RPS15A: variants seen among roughly 807,000 people sequenced by gnomAD.
The protein encoded by RPS15A is ribosomal protein S15a, also known as small ribosomal subunit protein uS8.
For synonymous variants in RPS15A, 55 were observed against 58.5 expected, an observed-to-expected ratio of 0.94 and a Z score of 0.27; for missense variants, 62 against 163.4, an observed-to-expected ratio of 0.38 and a Z score of 3.38.
chr16:18,785,112 G>T, intron 3 of RPS15A: 1 of 293,162 alleles, frequency 3.4e-6, no homozygotes, highest in Non-Finnish European at 6.3e-6. Flanking sequence ...GAGCTGTCCA[G>T]GATGATCAGA....
At position 18,781,545 on chromosome 16, in the gene RPS15A, C is replaced by G. The variant is rs1159667173; in HGVS notation, c.*1464G>C. The G allele has an allele frequency of 1.3e-5, 2 of 151,794 alleles. No homozygotes were observed. The highest frequency in any genetic ancestry group is 2.9e-5 in the Non-Finnish European group (2 of 67,974). The allele number at this position is 151,794 out of a possible 1,614,324, so 9.4% of individuals were successfully genotyped here. ...GTGCCAAGTGCGCTTTACACAATCT[C>G]ATTTTTCCCTCAACTTGGGGATAGG... is the stretch of plus-strand genomic sequence containing the variant. On this transcript the variant is annotated 3_prime_UTR_variant, in exon 5 of 5. Transcript: ENST00000322989.
rs1903982772 is a variant in RPS15A, at chr16:18,782,627, C to CA, written c.*381dup. ...ATCCCAGTTACTCAGGCGGCTGAGA[C>CA]AGGACAATCACTTGAACCCGGGAGG... is the stretch of plus-strand genomic sequence containing the variant. On this transcript the variant is annotated 3_prime_UTR_variant, in exon 5 of 5. Coordinates refer to ENST00000322989, the MANE Select transcript of RPS15A (RefSeq NM_001019.5). The CA allele has an allele frequency of 1.3e-5, 2 of 157,922 alleles. No individual in the cohort carries two copies. The highest frequency in any genetic ancestry group is 3.4e-4 in the South Asian group (2 of 5,954). The allele number at this position is 157,922 out of a possible 1,614,324, so 9.8% of individuals were successfully genotyped here. A position where few individuals can be genotyped will look rare whatever the true frequency, so the allele number is the denominator to read the frequency against.
chr16:18,785,697 T>A (rs1346471413), intron 3 of RPS15A: 2 of 152,212 alleles, frequency 1.3e-5, no homozygotes, highest in African/African-American at 4.8e-5. Context: ...CTCCTACTAT[T>A]ACCCCATCAG....
At chr16:18,783,493 T>C (rs1903997119) in intron 4 of RPS15A, 1 of 365,038 alleles carries the variant, frequency 2.7e-6, no homozygotes, top group Admixed American at 3.6e-5. Flanking sequence ...AGCTAAACTA[T>C]TATATGGAGA....
chr16:18,783,796 T>C lies in RPS15A; in HGVS notation c.300-694A>G. ...TAAATCAGGTGATAAACAGAGGAAC[T>C]ATTACCACTTTTACGGATGAAGAAA... On this transcript the variant is annotated intron_variant, in intron 4 of 4. Coordinates refer to ENST00000322989, the MANE Select transcript of RPS15A (RefSeq NM_001019.5). 6.9e-6 allele frequency: 3 copies of C among 434,788 alleles called. 1 individual carries two copies. The highest frequency in any genetic ancestry group is 4.8e-5 in the South Asian group (3 of 62,030). 26.9% of individuals were successfully genotyped at this position (434,788 alleles called of 1,614,324 possible).
At position 18,784,748 on chromosome 16, in the gene RPS15A, G is replaced by A. The variant is rs1375838106; in HGVS notation, c.289C>T (p.Arg97Cys). Residue 97 changes from arginine to cysteine, a missense_variant, in exon 4 of 5, where the codon CGC (arginine) becomes TGC (cysteine). Transcript: ENST00000322989. ...GAAAGGCCAACTTACCCAAACTGGCGGGATGGAAGCAGATTATTCTGCCAT... is the reference window on the plus strand; with the variant it reads ...GAAAGGCCAACTTACCCAAACTGGCAGGATGGAAGCAGATTATTCTGCCAT... ...EKWQNNLLPS[R>C]QFGFIVLTTS... The A allele has an allele frequency of 1.2e-6, 2 of 1,606,900 alleles. No individual in the cohort carries two copies. Among genetic ancestry groups the A allele is most frequent in the South Asian group, 1.1e-5 (1 of 89,308 alleles).
intron 3 of RPS15A, among the ~76,000 whole-genome samples, chr16:18,787,218 C>A (rs180781077): frequency 3.9e-4 from 59 of 152,308 alleles, no homozygotes; most frequent in African/African-American, 1.2e-3. Context: ...GTCTCTTTCC[C>A]CCCTATCTGT....
chr16:18,784,835 C>T lies in RPS15A; in HGVS notation c.214-12G>A, dbSNP rs762318963. Reference sequence around the variant, plus strand: ...CTGATCACCCCACACTATAAAATAACAACAACAACAAAAACATTCTTCACT... The same window carrying T: ...CTGATCACCCCACACTATAAAATAATAACAACAACAAAAACATTCTTCACT... On this transcript the variant is annotated splice_polypyrimidine_tract_variant and intron_variant, in intron 3 of 4. Transcript: ENST00000322989. 3.8e-6 allele frequency: 6 copies of T among 1,571,506 alleles called. No individual in the cohort carries two copies. The highest frequency in any genetic ancestry group is 2.3e-5 in the East Asian group (1 of 44,218).
chr16:18,788,165 T>TTA (rs759565303), intron 2 of RPS15A, 23 bp from the exon 3 acceptor site: 2 of 1,495,544 alleles, frequency 1.3e-6, no homozygotes, highest in South Asian at 2.3e-5. Context: ...ACTGACTGGA[T>TTA]TAAATAAAAG....
intron 1 of RPS15A, among the ~76,000 whole-genome samples, chr16:18,789,368 C>G (rs1351458082): frequency 2.6e-5 from 4 of 152,192 alleles, no homozygotes; most frequent in Non-Finnish European, 5.9e-5. Context: ...CACTCTTCTT[C>G]GAATCGTGCC....
intron 3 of RPS15A, 93 bp downstream of exon 3, chr16:18,787,970 C>T (rs1323655412): frequency 8.8e-6 from 7 of 799,406 alleles, no homozygotes; most frequent in Non-Finnish European, 1.3e-5. Context: ...AAGTATGGCA[C>T]CACTACTCAG....
In RPS15A at chr16:18,782,632, CAAT is replaced by C. The variant is rs1903982958; in HGVS notation, c.*374_*376del. The stretch of plus-strand genomic sequence containing the variant: ...AGTTACTCAGGCGGCTGAGACAGGA[CAAT>C]CACTTGAACCCGGGAGGTGGAGGTT... On this transcript the variant is annotated 3_prime_UTR_variant, in exon 5 of 5. Coordinates refer to ENST00000322989, the MANE Select transcript of RPS15A (RefSeq NM_001019.5). The C allele has an allele frequency of 1.3e-5, 2 of 157,982 alleles. No homozygotes were observed. Among genetic ancestry groups the C allele is most frequent in the South Asian group, 3.3e-4 (2 of 6,050 alleles). The allele number at this position is 157,982 out of a possible 1,614,324, so 9.8% of individuals were successfully genotyped here.
At position 18,787,276 on chromosome 16, in the gene RPS15A, C is replaced by T. The variant is rs538459424; in HGVS notation, c.213+787G>A. On this transcript the variant is annotated intron_variant, in intron 3 of 4. Coordinates refer to ENST00000322989, the MANE Select transcript of RPS15A (RefSeq NM_001019.5). Reference sequence around the variant, plus strand: ...AAGGGAGAGAATACAGTCATGGGTTCTTAGTTTCTGTTTCTAGTTGGGCCA... The same window carrying T: ...AAGGGAGAGAATACAGTCATGGGTTTTTAGTTTCTGTTTCTAGTTGGGCCA... Among the ~76,000 whole-genome samples, 6 of 152,324 alleles carry T rather than the reference C, an allele frequency of 3.9e-5. No individual in the cohort carries two copies. The South Asian group carries it at 1.2e-3, about 32-fold the overall frequency.
intron 3 of RPS15A, chr16:18,785,529 G>C (rs1300144786): frequency 6.6e-6 from 1 of 152,152 alleles, no homozygotes; most frequent in Non-Finnish European, 1.5e-5. Flanking sequence ...TCCACTAACT[G>C]ATGTCCACTA....
At chr16:18,783,476 G>T in intron 4 of RPS15A, 1 of 359,238 alleles carries the variant, frequency 2.8e-6, no homozygotes, top group Non-Finnish European at 5.5e-6. Flanking sequence ...GCCATGTACT[G>T]TATAATAGCT....
chr16:18,789,168 A>G (rs77053349), intron 1 of RPS15A, 50 bp from the exon 2 acceptor site: 2 of 1,555,646 alleles, frequency 1.3e-6, no homozygotes, highest in Non-Finnish European at 1.7e-6. Flanking sequence ...GCCAACATCA[A>G]CAGACACCAA....
At chr16:18,789,440 G>T (rs2029975996) in intron 1 of RPS15A, among the ~76,000 whole-genome samples, 1 of 152,246 alleles carries the variant, frequency 6.6e-6, no homozygotes, top group Non-Finnish European at 1.5e-5. Flanking sequence ...AAGACAACGT[G>T]AGAACTGGCA....
At chr16:18,783,199 G>A (rs1026407915) in intron 4 of RPS15A, 97 bp from the exon 5 acceptor site, 40 of 768,200 alleles carry the variant, frequency 5.2e-5, no homozygotes, top group South Asian at 1.1e-4. Flanking sequence ...GGTTAAGGGC[G>A]CTTTCCTGTG....
chr16:18,787,760 A>G (rs553566862), intron 3 of RPS15A, among the ~76,000 whole-genome samples: 1 of 152,302 alleles, frequency 6.6e-6, no homozygotes, highest in African/African-American at 2.4e-5. Context: ...GAGCCACCCA[A>G]GTTCAAGCCA....
Sources: gnomAD v4.1 joint callset for allele counts (sites outside exome capture counted in the v4.1 genomes callset) on GRCh38, gnomAD v4.1.1 for gene constraint, MANE v1.5 for transcripts, NCBI Gene and HGNC (gene_info 2026-07-23, HGNC 2026-07-21) for gene names.